RUFY3: variants seen among roughly 807,000 people sequenced by gnomAD.
The protein encoded by RUFY3 is protein RUFY3.
A neutral mutation model predicts 84.0 loss-of-function variants in RUFY3; 34 were observed. The observed-to-expected ratio is 0.40, with a 90% CI of 0.31 to 0.54. The LOEUF is 0.54. RUFY3 is among the 20% of genes least tolerant of loss of function. RUFY3 has a pLI of 0.39. For missense variants in RUFY3, 507 were observed against 736.8 expected (o/e 0.69, Z 3.61); for synonymous variants, 242 against 252.9 (o/e 0.96, Z 0.41).
At chr4:70,741,993 T>A (rs1721391487) in intron 1 of RUFY3, among the ~76,000 whole-genome samples, 1 of 152,204 alleles carries the variant, frequency 6.6e-6, no homozygotes, top group African/African-American at 2.4e-5. Context: ...CAAATACATG[T>A]ATATATATTT....
chr4:70,797,223 A>G (rs899716916), intron 14 of RUFY3, among the ~76,000 whole-genome samples: 1 of 152,106 alleles, frequency 6.6e-6, no homozygotes, highest in African/African-American at 2.4e-5. Context: ...GATGACAGGC[A>G]TGAGCCACCG....
intron 1 of RUFY3, among the ~76,000 whole-genome samples, chr4:70,710,594 C>G (rs965501739): frequency 6.6e-6 from 1 of 151,780 alleles, no homozygotes; most frequent in Non-Finnish European, 1.5e-5. Flanking sequence ...CACTTGAACC[C>G]GGGAGGTAGA....
chr4:70,754,763 C>A (rs1723713095), intron 1 of RUFY3, among the ~76,000 whole-genome samples: 1 of 152,010 alleles, frequency 6.6e-6, no homozygotes, highest in African/African-American at 2.4e-5. Flanking sequence ...CAGTTTTATA[C>A]TCTAAGAACA....
chr4:70,758,626 C>G (rs1320860153), intron 1 of RUFY3, among the ~76,000 whole-genome samples: 2 of 151,808 alleles, frequency 1.3e-5, no homozygotes, highest in Non-Finnish European at 2.9e-5. Flanking sequence ...CATTTTGGCT[C>G]ATGTATACAA....
At chr4:70,731,728 C>T (rs544847813) in intron 1 of RUFY3, among the ~76,000 whole-genome samples, 7 of 152,204 alleles carry the variant, frequency 4.6e-5, no homozygotes, top group East Asian at 3.9e-4. Context: ...CCACCATGCC[C>T]GGCTAATTTT....
intron 1 of RUFY3, chr4:70,705,380 C>A: frequency 2.0e-6 from 2 of 1,017,816 alleles, no homozygotes; most frequent in Non-Finnish European, 2.6e-6. Flanking sequence ...GGAGCTCCGC[C>A]TCCCGCGGGG....
At chr4:70,763,724 C>G (rs201985883) in intron 3 of RUFY3, 55 bp downstream of exon 3, 2 of 1,571,690 alleles carry the variant, frequency 1.3e-6, no homozygotes, top group Admixed American at 3.9e-5. Context: ...TTAACTATCC[C>G]TTGAAGAGCA....
chr4:70,707,177 A>T (rs959191107), intron 1 of RUFY3, among the ~76,000 whole-genome samples: 1 of 152,256 alleles, frequency 6.6e-6, no homozygotes, highest in African/African-American at 2.4e-5. Context: ...CTTAAGCATG[A>T]TCAAGATCGG....
intron 1 of RUFY3, among the ~76,000 whole-genome samples, chr4:70,744,010 C>G (rs2148654402): frequency 6.6e-6 from 1 of 152,210 alleles, no homozygotes; most frequent in South Asian, 2.1e-4. Context: ...GGAGTATTAC[C>G]TGCACATAAC....
intron 4 of RUFY3, among the ~76,000 whole-genome samples, chr4:70,765,952 G>A (rs1303529941): frequency 4.0e-5 from 6 of 151,516 alleles, no homozygotes; most frequent in East Asian, 2.0e-4. Context: ...TAGTAGAGAC[G>A]GGGTTTCACC....
chr4:70,773,408 G>A, intron 5 of RUFY3, 103 bp from the exon 6 acceptor site: 1 of 720,386 alleles, frequency 1.4e-6, no homozygotes, highest in Non-Finnish European at 2.4e-6. Context: ...TCTAGTAAGT[G>A]TCATGACTGT....
chr4:70,732,082 A>G (rs898282048), intron 1 of RUFY3, among the ~76,000 whole-genome samples: 2 of 151,958 alleles, frequency 1.3e-5, no homozygotes, highest in Admixed American at 6.6e-5. Context: ...TACTATTCTG[A>G]CTTGTGATTC....
At chr4:70,795,895 A>G (rs1391396574) in intron 14 of RUFY3, among the ~76,000 whole-genome samples, 1 of 152,250 alleles carries the variant, frequency 6.6e-6, no homozygotes, top group Non-Finnish European at 1.5e-5. Context: ...ATGATTTCCC[A>G]TCATAACTCT....
At chr4:70,785,270 G>A (rs574810493) in intron 10 of RUFY3, among the ~76,000 whole-genome samples, 2 of 151,622 alleles carry the variant, frequency 1.3e-5, no homozygotes, top group South Asian at 2.1e-4. Context: ...TTTATTTTTA[G>A]CTGTTATTTC....
At chr4:70,746,667 CA>C (rs1383976917) in intron 1 of RUFY3, among the ~76,000 whole-genome samples, 1 of 152,058 alleles carries the variant, frequency 6.6e-6, no homozygotes, top group African/African-American at 2.4e-5. Flanking sequence ...AGGAAAGTGA[CA>C]CATACAGAGG....
intron 12 of RUFY3, chr4:70,793,028 C>T (rs1472266973): frequency 6.1e-6 from 6 of 985,260 alleles, no homozygotes; most frequent in Non-Finnish European, 6.0e-6. Flanking sequence ...TTATATAAAG[C>T]CCCAAGTGCT....
intron 1 of RUFY3, among the ~76,000 whole-genome samples, chr4:70,709,745 A>G (rs959011506): frequency 2.0e-5 from 3 of 152,316 alleles, no homozygotes; most frequent in Admixed American, 6.5e-5. Context: ...CACAGTTAAC[A>G]GCTTCTATTT....
At chr4:70,774,912 G>C (rs1727665621) in intron 6 of RUFY3, among the ~76,000 whole-genome samples, 1 of 151,718 alleles carries the variant, frequency 6.6e-6, no homozygotes, top group Non-Finnish European at 1.5e-5. Context: ...TCATACCTGT[G>C]ACCTAAATTA....
At position 70,778,390 on chromosome 4, in the gene RUFY3, G is replaced by A. The variant is rs1728323395; in HGVS notation, c.846G>A (p.Gln282=). The change falls in exon 8 of 18, where the codon CAG becomes CAA. Residue 282 remains glutamine (Q), a synonymous_variant. Coordinates refer to ENST00000381006, the MANE Select transcript of RUFY3 (RefSeq NM_001037442.4). ...ATAGTGCTACTGTAAACAACCTTCA[G>A]GCAAAAGTAGATGCATTAGAAAAAT... The part of the protein sequence containing the change: ...RHLNATVNNL[Q]AKVDALEKSN... 6.2e-7 allele frequency: 1 copy of A among 1,604,304 alleles called. No homozygotes were observed. Among genetic ancestry groups the A allele is most frequent in the Admixed American group, 1.7e-5 (1 of 59,804 alleles).
Sources: allele counts gnomAD v4.1 joint callset (sites outside exome capture counted in the v4.1 genomes callset), GRCh38; gene constraint gnomAD v4.1.1; transcripts MANE v1.5; gene names NCBI Gene and HGNC (gene_info 2026-07-23, HGNC 2026-07-21).